Variants in PTPN5 observed in about 807,000 individuals in gnomAD.
The protein encoded by PTPN5 is protein tyrosine phosphatase non-receptor type 5, also known as tyrosine-protein phosphatase non-receptor type 5.
Under a neutral mutation model 73.9 loss-of-function variants are expected in PTPN5, and 29 were observed. The observed-to-expected ratio is 0.39, with a 90% CI of 0.29 to 0.54. The LOEUF (loss-of-function observed/expected upper bound fraction) is 0.54. Ranked by LOEUF, PTPN5 falls within the 20% of genes least tolerant of loss-of-function variation. The pLI is 0.65. For synonymous variants in PTPN5, 267 were observed against 304.7 expected, an observed-to-expected ratio of 0.88 and a Z score of 1.29; for missense variants, 652 against 751.4, an observed-to-expected ratio of 0.87 and a Z score of 1.55.
At chr11:18,768,861 G>A (rs763482362) in intron 2 of PTPN5, among the ~76,000 whole-genome samples, 16 of 152,116 alleles carry the variant, frequency 1.1e-4, no homozygotes, top group Non-Finnish European at 2.4e-4. Context: ...GTCTCTGGGC[G>A]CTGCCTTCCT....
intron 9 of PTPN5, among the ~76,000 whole-genome samples, chr11:18,737,628 G>C (rs1223825688): frequency 1.3e-5 from 2 of 152,186 alleles, no homozygotes; most frequent in Non-Finnish European, 2.9e-5. Context: ...CTTTCTCTTT[G>C]GGTTTCTAGA....
At chr11:18,790,879 A>G (rs1200486476) in intron 1 of PTPN5, among the ~76,000 whole-genome samples, 1 of 152,196 alleles carries the variant, frequency 6.6e-6, no homozygotes, top group Non-Finnish European at 1.5e-5. Flanking sequence ...AAGGTTGAAT[A>G]AGTTCCCAGG....
chr11:18,791,136 G>C (rs1056461515), intron 1 of PTPN5, among the ~76,000 whole-genome samples: 2 of 152,208 alleles, frequency 1.3e-5, no homozygotes, highest in Non-Finnish European at 2.9e-5. Flanking sequence ...AGGCCAGAAG[G>C]CTAGCGGCGA....
intron 2 of PTPN5, among the ~76,000 whole-genome samples, chr11:18,766,991 T>C (rs7936774): frequency 0.1 from 15,822 of 152,264 alleles, 2,469 homozygotes; most frequent in African/African-American, 0.34. Context: ...CCATCTGTAC[T>C]GAGTCTTGGA....
At chr11:18,762,018 C>A (rs918924742) in intron 3 of PTPN5, among the ~76,000 whole-genome samples, 1 of 152,114 alleles carries the variant, frequency 6.6e-6, no homozygotes, top group East Asian at 1.9e-4. Context: ...CACGAGTGTG[C>A]GAGAGCACAT....
At chr11:18,791,283 G>A (rs1293116344) in intron 1 of PTPN5, among the ~76,000 whole-genome samples, 1 of 152,228 alleles carries the variant, frequency 6.6e-6, no homozygotes, top group South Asian at 2.1e-4. Flanking sequence ...CACGGGCTTC[G>A]TGGGGAGTGG....
At chr11:18,756,944 A>AAC (rs1176301268) in intron 3 of PTPN5, among the ~76,000 whole-genome samples, 15 of 151,352 alleles carry the variant, frequency 9.9e-5, no homozygotes, top group East Asian at 7.8e-4. Flanking sequence ...AAACCAAAAA[A>AAC]CAAAAACAAA....
At chr11:18,785,564 C>A (rs1405789241) in intron 1 of PTPN5, among the ~76,000 whole-genome samples, 1 of 152,154 alleles carries the variant, frequency 6.6e-6, no homozygotes. Context: ...ATAATTTATA[C>A]CAGACAACAT....
Position 18,729,612 on chromosome 11 carries a change from C to A in PTPN5, c.1490+46G>T, listed in dbSNP as rs538000676. On this transcript the variant is annotated intron_variant, in intron 13 of 14. Transcript: ENST00000358540. This position sits in a 1 kb window ranked among gnomAD's most constrained non-coding sequence, Gnocchi z 5.2. ...TGGGGTGAGGGGCAGGGCAGCCCAG[C>A]GGGTGGGGGGCTGCCCCGCTCCAGT... The A allele has an allele frequency of 6.4e-7, 1 of 1,574,234 alleles. No individual in the cohort carries two copies. The highest frequency in any genetic ancestry group is 2.0e-4 in the Middle Eastern group (1 of 5,038).
chr11:18,740,494 C>T, intron 8 of PTPN5, 109 bp downstream of exon 8: 3 of 1,004,880 alleles, frequency 3.0e-6, no homozygotes, highest in Non-Finnish European at 4.1e-6. Flanking sequence ...TAAAGTGATA[C>T]TAATCTACTG....
At chr11:18,764,100 T>A (rs1199278515) in intron 3 of PTPN5, among the ~76,000 whole-genome samples, 1 of 152,222 alleles carries the variant, frequency 6.6e-6, no homozygotes, top group African/African-American at 2.4e-5. Context: ...TCTGATGTCA[T>A]CTGGACCTCC....
intron 1 of PTPN5, among the ~76,000 whole-genome samples, chr11:18,780,532 C>T (rs1851369583): frequency 6.6e-6 from 1 of 152,170 alleles, no homozygotes; most frequent in Non-Finnish European, 1.5e-5. Context: ...TCCTGCTCCT[C>T]CTCTTTGTGC....
chr11:18,734,696 G>A (rs1849040015), intron 9 of PTPN5, among the ~76,000 whole-genome samples: 1 of 152,162 alleles, frequency 6.6e-6, no homozygotes, highest in Non-Finnish European at 1.5e-5. Flanking sequence ...TCTCTGCATT[G>A]ACTATTCTGT....
chr11:18,755,793 C>A (rs2134266084), intron 3 of PTPN5, among the ~76,000 whole-genome samples: 1 of 152,200 alleles, frequency 6.6e-6, no homozygotes, highest in Admixed American at 6.5e-5. Flanking sequence ...ATCACAAGGT[C>A]AGGAGTTCGA....
Position 18,742,513 on chromosome 11 carries a change from G to T in PTPN5, c.484-10C>A. On this transcript the variant is annotated splice_polypyrimidine_tract_variant and intron_variant, in intron 6 of 14. Coordinates refer to ENST00000358540, the MANE Select transcript of PTPN5 (RefSeq NM_006906.2). This position sits in a 1 kb window ranked among gnomAD's most constrained non-coding sequence, Gnocchi z 4.1. ...TCAGGAGGTGCCACACCTGGTTGGG[G>T]TGTACAGCATCACAGATTTCGGACC... The T allele has an allele frequency of 6.2e-7, 1 of 1,612,242 alleles. No individual in the cohort carries two copies. Among genetic ancestry groups the T allele is most frequent in the Non-Finnish European group, 8.5e-7 (1 of 1,179,880 alleles).
intron 7 of PTPN5, among the ~76,000 whole-genome samples, chr11:18,741,675 G>A (rs1849371542): frequency 6.6e-6 from 1 of 152,088 alleles, no homozygotes; most frequent in Non-Finnish European, 1.5e-5. Flanking sequence ...TGGGTACCCA[G>A]GTACATAAAG....
chr11:18,753,278 CA>C (rs1849975925), intron 3 of PTPN5, among the ~76,000 whole-genome samples: 1 of 152,210 alleles, frequency 6.6e-6, no homozygotes, highest in African/African-American at 2.4e-5. Context: ...CTCAAGGTGT[CA>C]GGGGGCCTGG....
At chr11:18,735,946 C>A (rs1319864782) in intron 9 of PTPN5, among the ~76,000 whole-genome samples, 1 of 152,098 alleles carries the variant, frequency 6.6e-6, no homozygotes, top group Non-Finnish European at 1.5e-5. Flanking sequence ...CTGCAATGAT[C>A]CAAGTAAGAA....
intron 3 of PTPN5, among the ~76,000 whole-genome samples, chr11:18,745,259 C>A (rs780741700): frequency 2.0e-5 from 3 of 152,202 alleles, no homozygotes; most frequent in Non-Finnish European, 4.4e-5. Context: ...GTATATGGGA[C>A]AATGGACTTG....
Sources: gnomAD v4.1 joint callset for allele counts (sites outside exome capture counted in the v4.1 genomes callset) on GRCh38, gnomAD v4.1.1 for gene constraint, Gnocchi (gnomAD v3.1) non-coding constraint, MANE v1.5 for transcripts, NCBI Gene and HGNC (gene_info 2026-07-23, HGNC 2026-07-21) for gene names.